The following RNLS variants were observed in gnomAD, a reference collection of about 807,000 sequenced individuals.
RNLS encodes the protein renalase, FAD dependent amine oxidase.
A neutral mutation model predicts 39.8 loss-of-function variants in RNLS; 39 were observed. The ratio of observed to expected loss-of-function variants is 0.98; its 90% CI spans 0.76 to 1.28. The LOEUF (loss-of-function observed/expected upper bound fraction) is 1.28, where lower values mean the gene tolerates loss of function less well. Ranked by LOEUF, RNLS falls within the 50% of genes most tolerant of loss-of-function variation. The pLI is 0.00. For synonymous variants in RNLS, 147 were observed against 150.7 expected, an observed-to-expected ratio of 0.98 and a Z score of 0.18; for missense variants, 410 against 413.3, an observed-to-expected ratio of 0.99 and a Z score of 0.07.
At chr10:88,286,212 G>T (rs145338805) in intron 6 of RNLS, among the ~76,000 whole-genome samples, 2 of 152,008 alleles carry the variant, frequency 1.3e-5, no homozygotes, top group Non-Finnish European at 2.9e-5. Context: ...TTTCCTGAGC[G>T]CTGTTCTGGC....
the RNLS span, among the ~76,000 whole-genome samples, chr10:88,197,577 T>G: frequency 2.0e-5 from 3 of 152,220 alleles, no homozygotes; most frequent in African/African-American, 7.2e-5. Context: ...ATTCAAACAC[T>G]ACCTGGATGA....
chr10:88,243,657 G>A, the RNLS span, among the ~76,000 whole-genome samples: 3 of 152,140 alleles, frequency 2.0e-5, no homozygotes, highest in Non-Finnish European at 2.9e-5. Flanking sequence ...GGGGAAAAAC[G>A]GAAGTAAGCA....
intron 5 of RNLS, among the ~76,000 whole-genome samples, chr10:88,322,335 T>C (rs1406882976): frequency 1.3e-5 from 2 of 152,212 alleles, no homozygotes; most frequent in African/African-American, 4.8e-5. Context: ...TCATACTGAA[T>C]GGTGAAAAAT....
intron 4 of RNLS, among the ~76,000 whole-genome samples, chr10:88,397,507 T>C (rs767702673): frequency 1.3e-5 from 2 of 151,860 alleles, no homozygotes; most frequent in Non-Finnish European, 2.9e-5. Context: ...TAAATGCTTA[T>C]ATTAAAAGAA....
the RNLS span, among the ~76,000 whole-genome samples, chr10:88,258,846 AGGGTCATT>A: frequency 6.6e-6 from 1 of 152,228 alleles, no homozygotes; most frequent in Non-Finnish European, 1.5e-5. Context: ...TGGAAAAGAC[AGGGTCATT>A]CCTTCACCAG....
chr10:88,535,453 G>A (rs1285521578), intron 4 of RNLS, among the ~76,000 whole-genome samples: 2 of 151,536 alleles, frequency 1.3e-5, no homozygotes, highest in African/African-American at 4.8e-5. Flanking sequence ...TTGGGGGAGG[G>A]AGAACATCAG....
At chr10:88,570,604 T>A (rs1005163771) in intron 4 of RNLS, among the ~76,000 whole-genome samples, 2 of 152,256 alleles carry the variant, frequency 1.3e-5, no homozygotes, top group African/African-American at 4.8e-5. Context: ...AATAGGATTA[T>A]AATCCAAGAT....
chr10:88,423,917 G>T (rs913630067), intron 4 of RNLS, among the ~76,000 whole-genome samples: 4 of 152,210 alleles, frequency 2.6e-5, no homozygotes, highest in African/African-American at 9.6e-5. Context: ...AAGAGCTCTT[G>T]AGCCAGGCAT....
intron 4 of RNLS, among the ~76,000 whole-genome samples, chr10:88,520,666 A>C (rs770862273): frequency 6.6e-5 from 10 of 152,068 alleles, no homozygotes; most frequent in Non-Finnish European, 1.3e-4. Flanking sequence ...TCTCTGAATA[A>C]ATATTTTATT....
At chr10:88,581,900 G>T (rs577371382) in intron 2 of RNLS, among the ~76,000 whole-genome samples, 191 bp from the exon 3 acceptor site, 57 of 152,276 alleles carry the variant, frequency 3.7e-4, no homozygotes, top group African/African-American at 1.3e-3. Flanking sequence ...GTGAAGAAGA[G>T]AAATATTTTG....
At chr10:88,538,733 C>T (rs1394341407) in intron 4 of RNLS, among the ~76,000 whole-genome samples, 1 of 152,064 alleles carries the variant, frequency 6.6e-6, no homozygotes, top group African/African-American at 2.4e-5. Flanking sequence ...CCTTATTCTA[C>T]CATTTCCTTT....
Position 88,362,689 on chromosome 10 carries a change from A to G in RNLS, c.563T>C (p.Val188Ala). 4 of 1,613,452 alleles carry G rather than the reference A, an allele frequency of 2.5e-6. No individual in the cohort carries two copies. The highest frequency in any genetic ancestry group is 3.4e-6 in the Non-Finnish European group (4 of 1,179,530). The change falls in exon 5 of 7, where the codon GTG becomes GCG. Residue 188 changes from valine (V) to alanine (A), a missense_variant. Val to Ala is a moderately conservative substitution (Grantham distance 64). Transcript: ENST00000331772. ...SECQRQQLEA[V>A]SYSSRYALGL... ...CAGAGCATATCGAGAGGAGTAGCTCACAGCCTCCAGTTGCTGCCTTTGGCA... is the reference window on the plus strand; with the variant it reads ...CAGAGCATATCGAGAGGAGTAGCTCGCAGCCTCCAGTTGCTGCCTTTGGCA...
chr10:88,504,863 G>A (rs887342446), intron 4 of RNLS, among the ~76,000 whole-genome samples: 3 of 151,576 alleles, frequency 2.0e-5, no homozygotes, highest in African/African-American at 4.9e-5. Flanking sequence ...GTGTGTGTGT[G>A]TGTGTGTGTG....
In RNLS at chr10:88,409,389, T is replaced by C. The variant is rs192916176; in HGVS notation, c.527-46664A>G. On this transcript the variant is annotated intron_variant, in intron 4 of 6. Coordinates refer to ENST00000331772, the MANE Select transcript of RNLS (RefSeq NM_001031709.3). The stretch of plus-strand genomic sequence containing the variant: ...ACATACGCTAATATTAGATGAATCA[T>C]GATTCTTTCTTACTTCTGCAAGAGC... Among the ~76,000 whole-genome samples, 44 of 152,280 alleles carry C rather than the reference T, an allele frequency of 2.9e-4. 1 individual carries two copies. The East Asian group carries it at 8.1e-3, about 28-fold the overall frequency.
the RNLS span, among the ~76,000 whole-genome samples, chr10:88,230,555 C>T: frequency 6.6e-6 from 1 of 152,178 alleles, no homozygotes; most frequent in Admixed American, 6.5e-5. Context: ...CTTTCCACAG[C>T]GTACATCTAC....
chr10:88,537,488 C>T (rs915272336), intron 4 of RNLS, among the ~76,000 whole-genome samples: 1 of 152,158 alleles, frequency 6.6e-6, no homozygotes, highest in Non-Finnish European at 1.5e-5. Flanking sequence ...ATAACATATG[C>T]TAGGTTCATA....
At chr10:88,395,491 G>A (rs1300513855) in intron 4 of RNLS, among the ~76,000 whole-genome samples, 1 of 151,998 alleles carries the variant, frequency 6.6e-6, no homozygotes, top group Non-Finnish European at 1.5e-5. Context: ...CTCGATAGAA[G>A]ATTTGAGCAG....
At chr10:88,204,920 G>T in the RNLS span, among the ~76,000 whole-genome samples, 6 of 152,166 alleles carry the variant, frequency 3.9e-5, no homozygotes, top group Admixed American at 3.9e-4. Context: ...AAGGGGTGTT[G>T]GGGGAAGTCG....
the RNLS span, among the ~76,000 whole-genome samples, chr10:88,187,187 A>C: frequency 0.012 from 114 of 9,582 alleles, 8 homozygotes; most frequent in African/African-American, 0.046. Flanking sequence ...TAATATATAT[A>C]ATATATATAA....
Sources: allele counts gnomAD v4.1 joint callset (sites outside exome capture counted in the v4.1 genomes callset), GRCh38; gene constraint gnomAD v4.1.1; transcripts MANE v1.5; gene names NCBI Gene and HGNC (gene_info 2026-07-23, HGNC 2026-07-21).